FAT3: variants seen among roughly 807,000 people sequenced by gnomAD.
FAT3 encodes FAT atypical cadherin 3.
FAT3 carries 95 observed loss-of-function variants against 310.2 expected under a neutral mutation model. That is an observed-to-expected ratio of 0.31 (90% confidence interval 0.26 to 0.36). The LOEUF (loss-of-function observed/expected upper bound fraction) is 0.36. Ranked by LOEUF, FAT3 falls within the 10% of genes least tolerant of loss-of-function variation. The pLI, the probability that FAT3 is intolerant of heterozygous loss-of-function variation, is 1.00. For missense variants in FAT3, 5,408 were observed against 5,715.6 expected (o/e 0.95, Z 1.74); for synonymous variants, 2,314 against 2,192.9 (o/e 1.06, Z -1.54).
At chr11:92,498,262 C>A (rs1591369534) in intron 2 of FAT3, 1 of 219,906 alleles carries the variant, frequency 4.5e-6, no homozygotes, top group East Asian at 1.1e-4. Context: ...ATGAGTTTTC[C>A]CAATTCAAAC....
Position 92,800,874 on chromosome 11 carries a change from C to G in FAT3, c.7861C>G (p.Gln2621Glu), listed in dbSNP as rs769546478. 19 of 1,613,184 alleles carry G rather than the reference C, an allele frequency of 1.2e-5. No homozygotes were observed. The Admixed American group carries it at 2.5e-4, about 21-fold the overall frequency. The change falls in exon 10 of 28, where the codon CAA becomes GAA. Residue 2621 changes from glutamine to glutamate, a missense_variant. This residue lies in a region of FAT3 where 4,588 missense variants were observed against 4,809.8 expected (regional missense o/e 0.95). Coordinates refer to ENST00000525166, the MANE Select transcript of FAT3 (RefSeq NM_001367949.2). The part of the protein sequence containing the change: ...ADVGRGHLVT[Q>E]VQAIDPDDGA... The stretch of plus-strand genomic sequence containing the variant: ...TGTTGGAAGGGGCCACTTGGTCACT[C>G]AAGTTCAAGCCATAGATCCCGATGA...
At position 92,844,801 on chromosome 11, in the gene FAT3, G is replaced by C. The variant is rs1948646526; in HGVS notation, c.11365+69G>C. 7 of 1,393,922 alleles carry C rather than the reference G, an allele frequency of 5.0e-6. 1 individual carries two copies. Among genetic ancestry groups the C allele is most frequent in the Non-Finnish European group, 6.7e-6 (7 of 1,047,418 alleles). 86.3% of individuals were successfully genotyped at this position (1,393,922 alleles called of 1,614,324 possible). On this transcript the variant is annotated intron_variant, in intron 19 of 27. Coordinates refer to ENST00000525166, the MANE Select transcript of FAT3 (RefSeq NM_001367949.2). Reference sequence around the variant, plus strand: ...AGGAGTAGAATGAGTTACCATTCCAGCATGCCTGCATTCAATCATTCGTTC... The same window carrying C: ...AGGAGTAGAATGAGTTACCATTCCACCATGCCTGCATTCAATCATTCGTTC...
At chr11:92,256,304 AT>A (rs1865313040) in intron 1 of FAT3, among the ~76,000 whole-genome samples, 1 of 152,088 alleles carries the variant, frequency 6.6e-6, no homozygotes, top group Non-Finnish European at 1.5e-5. Context: ...TACACACATT[AT>A]TAAATGCTCC....
chr11:92,597,015 A>G (rs1473863566), intron 3 of FAT3, among the ~76,000 whole-genome samples: 3 of 151,990 alleles, frequency 2.0e-5, no homozygotes, highest in African/African-American at 7.3e-5. Flanking sequence ...TCCTTTCTCC[A>G]TATCCCTGTC....
At chr11:92,847,015 A>C (rs1450423130) in intron 19 of FAT3, among the ~76,000 whole-genome samples, 1 of 152,230 alleles carries the variant, frequency 6.6e-6, no homozygotes, top group Non-Finnish European at 1.5e-5. Context: ...ACAGCTGATG[A>C]GAGTAGCATA....
At chr11:92,412,712 T>C (rs12576778) in intron 2 of FAT3, among the ~76,000 whole-genome samples, 2 of 16,342 alleles carry the variant, frequency 1.2e-4, no homozygotes, top group Non-Finnish European at 4.0e-4. Context: ...GATATATATA[T>C]ATATATATAT....
At chr11:92,763,826 T>C (rs1026939315) in intron 5 of FAT3, among the ~76,000 whole-genome samples, 4 of 152,258 alleles carry the variant, frequency 2.6e-5, no homozygotes, top group African/African-American at 9.6e-5. Context: ...CTCAAATGCC[T>C]GTCTTAGCTC....
intron 19 of FAT3, among the ~76,000 whole-genome samples, chr11:92,845,306 G>T (rs371591375): frequency 6.6e-6 from 1 of 152,362 alleles, no homozygotes; most frequent in East Asian, 1.9e-4. Context: ...CGAAGAAATG[G>T]CAGGATCAGA....
intron 1 of FAT3, among the ~76,000 whole-genome samples, chr11:92,240,056 GTAA>G (rs1864611306): frequency 1.3e-5 from 2 of 152,100 alleles, no homozygotes; most frequent in Admixed American, 1.3e-4. Context: ...AGGAATTTGA[GTAA>G]TAGGCAGCTA....
intron 2 of FAT3, among the ~76,000 whole-genome samples, chr11:92,523,896 G>C (rs1186166787): frequency 6.6e-6 from 1 of 152,154 alleles, no homozygotes; most frequent in African/African-American, 2.4e-5. Flanking sequence ...AAATGGGAAA[G>C]ACTGGGCATT....
intron 21 of FAT3, among the ~76,000 whole-genome samples, chr11:92,864,001 G>C (rs1486924605): frequency 6.6e-6 from 1 of 152,104 alleles, no homozygotes. Flanking sequence ...TAGGCATCTG[G>C]CTTCCTTCAT....
chr11:92,697,840 T>C (rs1943985849), intron 4 of FAT3, among the ~76,000 whole-genome samples: 2 of 152,036 alleles, frequency 1.3e-5, no homozygotes, highest in Admixed American at 6.6e-5. Context: ...TTTCTTTTCG[T>C]GGGGAGAGAG....
chr11:92,568,013 C>T (rs1006914244), intron 3 of FAT3, among the ~76,000 whole-genome samples: 16 of 151,926 alleles, frequency 1.1e-4, no homozygotes, highest in African/African-American at 3.4e-4. Flanking sequence ...GCACATTGTG[C>T]ACATGTACCC....
At chr11:92,250,406 A>G (rs1865091463) in intron 1 of FAT3, among the ~76,000 whole-genome samples, 1 of 152,086 alleles carries the variant, frequency 6.6e-6, no homozygotes, top group Non-Finnish European at 1.5e-5. Context: ...TAGAGTTTCT[A>G]TTTTTTATGG....
chr11:92,824,904 T>A (rs1948064683), intron 13 of FAT3, among the ~76,000 whole-genome samples: 2 of 152,180 alleles, frequency 1.3e-5, no homozygotes, highest in African/African-American at 4.8e-5. Flanking sequence ...ACATTGTACA[T>A]AGTATTCTAT....
At chr11:92,405,894 A>G (rs1950126515) in intron 2 of FAT3, among the ~76,000 whole-genome samples, 1 of 152,200 alleles carries the variant, frequency 6.6e-6, no homozygotes, top group Non-Finnish European at 1.5e-5. Context: ...GAAATTTAAA[A>G]TTTTCAGTGA....
At chr11:92,624,373 C>T (rs1189600811) in intron 3 of FAT3, among the ~76,000 whole-genome samples, 2 of 152,144 alleles carry the variant, frequency 1.3e-5, no homozygotes, top group Non-Finnish European at 2.9e-5. Context: ...GAGAAATTAG[C>T]AGGAAAAAAA....
At position 92,799,998 on chromosome 11, in the gene FAT3, G is replaced by A; in HGVS notation, c.6985G>A (p.Asp2329Asn). Residue 2329 changes from aspartate (D) to asparagine (N), a missense_variant, in exon 10 of 28, where the codon GAT (aspartate) becomes AAT (asparagine). By Grantham distance (23) the Asp-to-Asn change is conservative. Around this residue, in one of 5 missense-constraint regions of FAT3, gnomAD observed 4,588 missense variants for 4,809.8 expected, o/e 0.95. Coordinates refer to ENST00000525166, the MANE Select transcript of FAT3 (RefSeq NM_001367949.2). Reference protein sequence around the residue: ...NKMVHYQIVQDTYNSTDYFHI... With the variant: ...NKMVHYQIVQNTYNSTDYFHI... ...AATGGTACATTATCAGATTGTCCAG[G>A]ATACCTACAATAGCACAGATTATTT... is the stretch of plus-strand genomic sequence containing the variant. The A allele has an allele frequency of 6.2e-7, 1 of 1,613,802 alleles. No individual in the cohort carries two copies. The highest frequency in any genetic ancestry group is 8.5e-7 in the Non-Finnish European group (1 of 1,179,838).
chr11:92,786,240 T>G (rs1453457366), intron 7 of FAT3, among the ~76,000 whole-genome samples: 1 of 151,922 alleles, frequency 6.6e-6, no homozygotes, highest in African/African-American at 2.4e-5. Context: ...ACCTGAAAGC[T>G]CAAAAAATAT....
Sources: allele counts gnomAD v4.1 joint callset (sites outside exome capture counted in the v4.1 genomes callset), GRCh38; gene constraint gnomAD v4.1.1; regional missense constraint gnomAD v4.1.1; transcripts MANE v1.5; gene names NCBI Gene and HGNC (gene_info 2026-07-23, HGNC 2026-07-21).